Variants in PTPRG observed in about 807,000 individuals in gnomAD.
PTPRG encodes receptor-type tyrosine-protein phosphatase gamma.
In PTPRG, 102 loss-of-function variants were observed where a neutral mutation model predicts 165.3. That is an observed-to-expected ratio of 0.62 (90% CI 0.53 to 0.73). The LOEUF (loss-of-function observed/expected upper bound fraction) is 0.73. Among genes scored for constraint, PTPRG ranks in the 30% least tolerant of loss-of-function variants. The pLI is 0.00. For synonymous variants in PTPRG, 675 were observed against 669.5 expected, an observed-to-expected ratio of 1.01 and a Z score of -0.13; for missense variants, 1,866 against 1,861.4, an observed-to-expected ratio of 1.00 and a Z score of -0.05.
intron 1 of PTPRG, among the ~76,000 whole-genome samples, chr3:61,699,217 T>G (rs1353750128): frequency 1.3e-5 from 2 of 152,040 alleles, no homozygotes; most frequent in African/African-American, 4.8e-5. Context: ...ATCGGGCGCG[T>G]TCAGGGTGGT....
chr3:62,081,327 T>C (rs1188245597), intron 5 of PTPRG, among the ~76,000 whole-genome samples: 5 of 152,168 alleles, frequency 3.3e-5, no homozygotes, highest in Non-Finnish European at 7.3e-5. Flanking sequence ...GCAGCTGTAT[T>C]AAGCTGCTTC....
intron 1 of PTPRG, among the ~76,000 whole-genome samples, chr3:61,587,908 C>T (rs1191402080): frequency 6.6e-6 from 1 of 150,538 alleles, no homozygotes; most frequent in East Asian, 1.9e-4. Context: ...ATCCTTCCAT[C>T]TTGGCCTCAC....
intron 7 of PTPRG, among the ~76,000 whole-genome samples, chr3:62,160,529 C>T (rs1015352116): frequency 1.3e-5 from 2 of 152,260 alleles, no homozygotes; most frequent in African/African-American, 4.8e-5. Flanking sequence ...GCAGCACTCT[C>T]GGCCCTTCTG....
rs151153258 is a variant in PTPRG, at chr3:61,976,107, A to G, written c.191-13518A>G. ...AAACATTACTACATTTTCAAGTGCA[A>G]CTGACATGGATGCATTTCAGCGAGA... On this transcript the variant is annotated intron_variant, in intron 2 of 29. Transcript: ENST00000474889. Among the ~76,000 whole-genome samples, 1,226 of 152,254 alleles carry G rather than the reference A, an allele frequency of 8.1e-3. 16 individuals carry two copies. Among genetic ancestry groups the G allele is most frequent in the African/African-American group, 0.028 (1,143 of 41,534 alleles).
chr3:62,220,664 C>G (rs1306645003), intron 13 of PTPRG, among the ~76,000 whole-genome samples: 1 of 152,124 alleles, frequency 6.6e-6, no homozygotes, highest in Non-Finnish European at 1.5e-5. Flanking sequence ...GAACACTAGA[C>G]TCACCTTCAT....
intron 2 of PTPRG, among the ~76,000 whole-genome samples, chr3:61,811,399 T>A (rs1424835676): frequency 2.0e-5 from 3 of 152,168 alleles, no homozygotes; most frequent in Non-Finnish European, 4.4e-5. Context: ...AATCCTTTTT[T>A]CCCCTCTTGC....
In PTPRG at chr3:62,118,314, T is replaced by TTCCA. The variant is rs927404041; in HGVS notation, c.616-14287_616-14284dup. On this transcript the variant is annotated intron_variant, in intron 5 of 29. Transcript: ENST00000474889. ...ATGTAAATGAGTGGACCTGACTGTG[T>TTCCA]TCCAATAAAACTTTATTTACAGATG... 56 of 152,344 alleles carry TTCCA rather than the reference T, an allele frequency of 3.7e-4. 1 individual carries two copies. Among genetic ancestry groups the TTCCA allele is most frequent in the Middle Eastern group, 3.4e-3 (1 of 294 alleles). The allele number at this position is 152,344 out of a possible 1,614,324, so 9.4% of individuals were successfully genotyped here. A position where few individuals can be genotyped will look rare whatever the true frequency, so the allele number is the denominator to read the frequency against.
rs73096559 is a variant in PTPRG at position 62,138,802 on chromosome 3, G to A, written c.682+6134G>A. 3.5e-3 allele frequency among the ~76,000 whole-genome samples: 528 copies of A among 151,678 alleles called. 1 individual carries two copies. Among genetic ancestry groups the A allele is most frequent in the Non-Finnish European group, 6.1e-3 (413 of 67,990 alleles). Reference sequence around the variant, plus strand: ...CTTTCGGCTAAGATCGAGTATGTGTGCGTTATGTCCTGTGTCAGTTAAGAG... The same window carrying A: ...CTTTCGGCTAAGATCGAGTATGTGTACGTTATGTCCTGTGTCAGTTAAGAG... On this transcript the variant is annotated intron_variant, in intron 6 of 29. Transcript: ENST00000474889.
chr3:61,614,901 C>T (rs1047375514), intron 1 of PTPRG, among the ~76,000 whole-genome samples: 1 of 152,212 alleles, frequency 6.6e-6, no homozygotes, highest in Non-Finnish European at 1.5e-5. Context: ...AGCTCCTTCT[C>T]TTGTACATCT....
chr3:61,758,067 C>CT (rs957642373), intron 2 of PTPRG, among the ~76,000 whole-genome samples: 141 of 152,170 alleles, frequency 9.3e-4, no homozygotes, highest in Admixed American at 1.4e-3. Flanking sequence ...TTTTTTCTTT[C>CT]TTTTTTTCCA....
intron 1 of PTPRG, among the ~76,000 whole-genome samples, chr3:61,746,359 C>T (rs975637718): frequency 1.3e-5 from 2 of 152,010 alleles, no homozygotes; most frequent in African/African-American, 4.8e-5. Flanking sequence ...GGTGCCGCCA[C>T]TTCACCCGTC....
chr3:62,223,050 G>A (rs1456561385), intron 13 of PTPRG, among the ~76,000 whole-genome samples: 1 of 152,104 alleles, frequency 6.6e-6, no homozygotes, highest in African/African-American at 2.4e-5. Context: ...AAGAGGGTGT[G>A]GAAGAATGAG....
At chr3:62,242,117 A>T (rs992085592) in intron 14 of PTPRG, among the ~76,000 whole-genome samples, 2 of 152,218 alleles carry the variant, frequency 1.3e-5, no homozygotes, top group African/African-American at 4.8e-5. Context: ...CATCAAAATA[A>T]TTTGTTTCAC....
At chr3:61,789,387 C>T (rs908892875) in intron 2 of PTPRG, among the ~76,000 whole-genome samples, 1 of 152,180 alleles carries the variant, frequency 6.6e-6, no homozygotes, top group Admixed American at 6.5e-5. Context: ...GGATTACAGG[C>T]ATGAGCTACT....
At chr3:62,008,733 G>T (rs2041352349) in intron 4 of PTPRG, among the ~76,000 whole-genome samples, 1 of 152,184 alleles carries the variant, frequency 6.6e-6, no homozygotes. Flanking sequence ...AGATCATCAG[G>T]CATTAGTTGG....
intron 1 of PTPRG, among the ~76,000 whole-genome samples, chr3:61,703,193 C>G (rs1392668941): frequency 6.6e-6 from 1 of 151,360 alleles, no homozygotes; most frequent in African/African-American, 2.4e-5. Context: ...TGGACTGGCA[C>G]TTTAAGATGG....
At chr3:62,000,099 T>C (rs2041134311) in intron 3 of PTPRG, among the ~76,000 whole-genome samples, 1 of 152,050 alleles carries the variant, frequency 6.6e-6, no homozygotes, top group South Asian at 2.1e-4. Flanking sequence ...GGTCAGGAGT[T>C]CGAGACCAGC....
chr3:61,651,363 A>C (rs1177868136), intron 1 of PTPRG, among the ~76,000 whole-genome samples: 3 of 31,082 alleles, frequency 9.7e-5, no homozygotes, highest in Non-Finnish European at 2.2e-4. Context: ...ATTGTTAATA[A>C]TCTTTTTTTT....
At chr3:61,793,663 C>A (rs1032943596) in intron 2 of PTPRG, among the ~76,000 whole-genome samples, 25 of 152,080 alleles carry the variant, frequency 1.6e-4, no homozygotes, top group Admixed American at 1.6e-3. Context: ...ATAATAATAA[C>A]AAGCTATTCT....
Sources: gnomAD v4.1 joint callset for allele counts (sites outside exome capture counted in the v4.1 genomes callset) on GRCh38, gnomAD v4.1.1 for gene constraint, MANE v1.5 for transcripts, NCBI Gene and HGNC (gene_info 2026-07-23, HGNC 2026-07-21) for gene names.